AKAP12: variants seen among roughly 807,000 people sequenced by gnomAD.
AKAP12 encodes A-kinase anchoring protein 12, also known as A-kinase anchor protein 12.
AKAP12 carries 32 observed loss-of-function variants against 79.9 expected under a neutral mutation model. That is an observed-to-expected ratio of 0.40 (90% CI 0.30 to 0.54). The LOEUF is 0.54. Ranked by LOEUF, AKAP12 falls within the 20% of genes least tolerant of loss-of-function variation. AKAP12 has a pLI of 0.48. For synonymous variants in AKAP12, 808 were observed against 857.0 expected (o/e 0.94, Z 1.00); for missense variants, 2,074 against 2,177.0 (o/e 0.95, Z 0.94).
chr6:151,315,877 G>A (rs1442803868), intron 3 of AKAP12, among the ~76,000 whole-genome samples: 1 of 152,064 alleles, frequency 6.6e-6, no homozygotes, highest in African/African-American at 2.4e-5. Context: ...GAGAAGTGGC[G>A]AGCAAAAGGG....
chr6:151,271,070 G>C (rs925299566), intron 2 of AKAP12, among the ~76,000 whole-genome samples: 1 of 152,086 alleles, frequency 6.6e-6, no homozygotes, highest in African/African-American at 2.4e-5. Flanking sequence ...ATGGTGAGGA[G>C]GTTTGCTGGT....
At chr6:151,340,193 A>G (rs1404010070) in intron 3 of AKAP12, among the ~76,000 whole-genome samples, 2 of 151,190 alleles carry the variant, frequency 1.3e-5, no homozygotes. Flanking sequence ...TCGGCCTCCC[A>G]AAGTGCTGGG....
chr6:151,281,472 AC>A (rs1265232720), intron 2 of AKAP12, among the ~76,000 whole-genome samples: 19 of 152,188 alleles, frequency 1.2e-4, no homozygotes, highest in African/African-American at 4.6e-4. Context: ...TTTAGTGCCC[AC>A]TTTATCTTTT....
intron 3 of AKAP12, among the ~76,000 whole-genome samples, chr6:151,335,135 T>G (rs1203254771): frequency 6.6e-6 from 1 of 152,062 alleles, no homozygotes; most frequent in Non-Finnish European, 1.5e-5. Context: ...GAAAAACAAA[T>G]TGTGCAGCCA....
intron 3 of AKAP12, among the ~76,000 whole-genome samples, chr6:151,311,044 C>T (rs779706135): frequency 4.6e-5 from 7 of 152,126 alleles, no homozygotes; most frequent in East Asian, 3.8e-4. Flanking sequence ...CATGGTTCGA[C>T]GTAGCCTCAA....
chr6:151,343,899 C>G (rs1367580112), intron 3 of AKAP12: 1 of 437,520 alleles, frequency 2.3e-6, no homozygotes, highest in Non-Finnish European at 4.3e-6. Context: ...CAAATAGAAA[C>G]TTAAAGCATT....
At chr6:151,281,544 C>T (rs1776408057) in intron 2 of AKAP12, among the ~76,000 whole-genome samples, 1 of 152,166 alleles carries the variant, frequency 6.6e-6, no homozygotes, top group Admixed American at 6.5e-5. Flanking sequence ...AGAATTTCTC[C>T]TACACATAGG....
chr6:151,325,805 C>A, intron 3 of AKAP12: 1 of 1,613,460 alleles, frequency 6.2e-7, no homozygotes, highest in Middle Eastern at 1.7e-4. Flanking sequence ...AGGCGTCTGC[C>A]GGGGAGGGCA....
At chr6:151,347,988 G>A (rs1315881819) in intron 3 of AKAP12, among the ~76,000 whole-genome samples, 5 of 151,362 alleles carry the variant, frequency 3.3e-5, no homozygotes, top group East Asian at 2.0e-4. Flanking sequence ...TGGCTAACAC[G>A]GTGAAACCCC....
chr6:151,285,939 G>A (rs867243626), intron 2 of AKAP12, among the ~76,000 whole-genome samples: 6 of 151,000 alleles, frequency 4.0e-5, no homozygotes, highest in East Asian at 1.9e-4. Context: ...GTGAAATGGC[G>A]CAATCTCCGT....
chr6:151,326,083 A>G (rs577651934), intron 3 of AKAP12, among the ~76,000 whole-genome samples: 3 of 152,330 alleles, frequency 2.0e-5, no homozygotes, highest in African/African-American at 7.2e-5. Context: ...CAAGAATCAG[A>G]CAACCTCAGT....
At chr6:151,345,688 T>TC (rs1447882470) in intron 3 of AKAP12, among the ~76,000 whole-genome samples, 2 of 150,718 alleles carry the variant, frequency 1.3e-5, no homozygotes, top group African/African-American at 4.9e-5. Flanking sequence ...TCCCAGCTAC[T>TC]CGGGAGGCTG....
intron 2 of AKAP12, among the ~76,000 whole-genome samples, chr6:151,252,396 A>G (rs1797197955): frequency 6.6e-6 from 1 of 151,976 alleles, no homozygotes; most frequent in Non-Finnish European, 1.5e-5. Flanking sequence ...GAGTTTCAGT[A>G]TGTTGGCCAG....
intron 2 of AKAP12, among the ~76,000 whole-genome samples, chr6:151,277,460 C>G (rs1776308922): frequency 6.6e-6 from 1 of 152,244 alleles, no homozygotes; most frequent in East Asian, 1.9e-4. Flanking sequence ...TTCTAAACAT[C>G]TAGATGTTTC....
chr6:151,246,993 G>A (rs1797087610), intron 2 of AKAP12, among the ~76,000 whole-genome samples: 1 of 152,104 alleles, frequency 6.6e-6, no homozygotes, highest in African/African-American at 2.4e-5. Flanking sequence ...AGGTCTCACT[G>A]TGTTGCCCAG....
At chr6:151,266,564 A>T (rs938090598) in intron 2 of AKAP12, among the ~76,000 whole-genome samples, 2 of 152,188 alleles carry the variant, frequency 1.3e-5, no homozygotes, top group African/African-American at 4.8e-5. Flanking sequence ...TTATAAAGCA[A>T]TTTGGCAACA....
At chr6:151,251,333 TC>T (rs1248566228) in intron 2 of AKAP12, among the ~76,000 whole-genome samples, 2 of 152,112 alleles carry the variant, frequency 1.3e-5, no homozygotes, top group Non-Finnish European at 2.9e-5. Flanking sequence ...TGGGAGACCC[TC>T]TTGTATAAGG....
chr6:151,353,759 T>C lies in AKAP12; in HGVS notation c.*12+7T>C. The C allele has an allele frequency of 6.6e-7, 1 of 1,510,304 alleles. No individual in the cohort carries two copies. Among genetic ancestry groups the C allele is most frequent in the African/African-American group, 1.4e-5 (1 of 70,990 alleles). The allele number at this position is 1,510,304 out of a possible 1,614,324, so 93.6% of individuals were successfully genotyped here. ...ATCTTAAAACATCATGCAGGTAAGC[T>C]TCCTTGTCTTCTAAGATAATTTTTC... On this transcript the variant is annotated splice_region_variant and intron_variant, in intron 4 of 4. Transcript: ENST00000402676.
At position 151,341,608 on chromosome 6, in the gene AKAP12, G is replaced by A. The variant is rs567758071; in HGVS notation, c.320-7103G>A. 5.4e-5 allele frequency: 43 copies of A among 800,752 alleles called. No individual in the cohort carries two copies. In the South Asian group the frequency reaches 1.0e-3, roughly 19 times the overall value. 49.6% of individuals were successfully genotyped at this position (800,752 alleles called of 1,614,324 possible). A position where few individuals can be genotyped will look rare whatever the true frequency, so the allele number is the denominator to read the frequency against. On this transcript the variant is annotated intron_variant, in intron 3 of 4. Coordinates refer to ENST00000402676, the MANE Select transcript of AKAP12 (RefSeq NM_005100.4). ...GAGCTATGGCAGCCGGCAGGGGCGC[G>A]CTGGGCCTCACGGGCGGCTGTTGGG...
Sources: gnomAD v4.1 joint callset for allele counts (sites outside exome capture counted in the v4.1 genomes callset) on GRCh38, gnomAD v4.1.1 for gene constraint, MANE v1.5 for transcripts, NCBI Gene and HGNC (gene_info 2026-07-23, HGNC 2026-07-21) for gene names.